ARHGEF39: variants seen among roughly 807,000 people sequenced by gnomAD.
ARHGEF39 encodes the protein Rho guanine nucleotide exchange factor 39, also known as Rho guanine nucleotide exchange factor (GEF) 39.
A neutral mutation model predicts 47.5 loss-of-function variants in ARHGEF39; 45 were observed. The observed-to-expected ratio is 0.95, with a 90% CI of 0.75 to 1.22. ARHGEF39 has a LOEUF of 1.22. ARHGEF39 is among the 50% of genes most tolerant of loss of function. The pLI, the probability that ARHGEF39 is intolerant of heterozygous loss-of-function variation, is 0.00. For synonymous variants in ARHGEF39, 164 were observed against 167.8 expected, an observed-to-expected ratio of 0.98 and a Z score of 0.17; for missense variants, 411 against 425.3, an observed-to-expected ratio of 0.97 and a Z score of 0.30.
Position 35,662,989 on chromosome 9 carries a change from G to C in ARHGEF39, c.630C>G (p.Val210=). ...KQKNDQHLRR[V]QALLSGRQAK... ...CCTGGCGTCCACTGAGCAGAGCCTG[G>C]ACACGCCGAAGGTGCTGGTCATTCT... Residue 210 remains valine, a synonymous_variant, in exon 6 of 9, where the codon GTC becomes GTG. Coordinates refer to ENST00000378387, the MANE Select transcript of ARHGEF39 (RefSeq NM_032818.3). 1 of 1,610,244 alleles carries C rather than the reference G, an allele frequency of 6.2e-7. No homozygotes were observed. Among genetic ancestry groups the C allele is most frequent in the Admixed American group, 1.7e-5 (1 of 59,956 alleles).
At position 35,661,483 on chromosome 9, in the gene ARHGEF39, A is replaced by G; in HGVS notation, c.*504T>C. 1 of 471,968 alleles carries G rather than the reference A, an allele frequency of 2.1e-6. No homozygotes were observed. The allele number at this position is 471,968 out of a possible 1,614,324, so 29.2% of individuals were successfully genotyped here. On this transcript the variant is annotated 3_prime_UTR_variant, in exon 9 of 9. Coordinates refer to ENST00000378387, the MANE Select transcript of ARHGEF39 (RefSeq NM_032818.3). ...TTTACTCAAATCCAGTGGAAAAATA[A>G]ATGATAGAAACTATACACAACATAA...
In ARHGEF39 at chr9:35,660,687, G is replaced by A. The variant is rs1352490955; in HGVS notation, c.*1300C>T. The A allele has an allele frequency of 1.2e-6, 2 of 1,613,852 alleles. No homozygotes were observed. On this transcript the variant is annotated 3_prime_UTR_variant, in exon 9 of 9. Transcript: ENST00000378387. ...GATTCTGTGAATTTTTGGGGAATTTGTGGCAGGAGGGAGGAATGGGGACAT... is the reference window on the plus strand; with the variant it reads ...GATTCTGTGAATTTTTGGGGAATTTATGGCAGGAGGGAGGAATGGGGACAT...
chr9:35,663,924 C>A (rs113114911), intron 4 of ARHGEF39, 84 bp downstream of exon 4: 1 of 1,396,396 alleles, frequency 7.2e-7, no homozygotes, highest in African/African-American at 1.4e-5. Flanking sequence ...AGTTTGGGAT[C>A]GACCCCAAGG....
At chr9:35,663,224 G>A (rs1252056346) in intron 5 of ARHGEF39, 98 bp downstream of exon 5, 2 of 1,552,692 alleles carry the variant, frequency 1.3e-6, no homozygotes, top group African/African-American at 1.4e-5. Flanking sequence ...CATGTCAGTG[G>A]AAGATAGGGT....
intron 4 of ARHGEF39, 100 bp from the exon 5 acceptor site, chr9:35,663,492 C>G: frequency 9.6e-7 from 1 of 1,042,930 alleles, no homozygotes. Flanking sequence ...CAATTGAAGG[C>G]CAGGAAAGAT....
chr9:35,662,399 C>T (rs1327202406), intron 7 of ARHGEF39, 113 bp downstream of exon 7: 31 of 1,382,036 alleles, frequency 2.2e-5, no homozygotes, highest in Non-Finnish European at 3.1e-5. Flanking sequence ...CAGCTATCCT[C>T]TCTCAATGTA....
rs761690775 is a variant in ARHGEF39 at position 35,664,071 on chromosome 9, C to T, written c.410G>A (p.Arg137His). Residue 137 changes from arginine to histidine, a missense_variant, in exon 4 of 9, where the codon CGC (arginine) becomes CAC (histidine). By Grantham distance (29) the Arg-to-His change is conservative. Transcript: ENST00000378387. ...FRRFVRLQEGRPEFGGLQLQD... is the reference protein window; with the variant it reads ...FRRFVRLQEGHPEFGGLQLQD... ...GAGCTGAAGGCCCCCAAACTCAGGG[C>T]GGCCTTCCTGAAGCCGTACAAACCT... is the stretch of plus-strand genomic sequence containing the variant. 4.3e-6 allele frequency: 7 copies of T among 1,613,960 alleles called. No homozygotes were observed. The highest frequency in any genetic ancestry group is 5.9e-6 in the Non-Finnish European group (7 of 1,179,972).
chr9:35,663,054 CACTTA>C lies in ARHGEF39; in HGVS notation c.560_564del (p.Ile187ArgfsTer16). 2 of 1,613,180 alleles carry C rather than the reference CACTTA, an allele frequency of 1.2e-6. No individual in the cohort carries two copies. Among genetic ancestry groups the C allele is most frequent in the Non-Finnish European group, 1.7e-6 (2 of 1,179,296 alleles). Reference sequence around the variant, plus strand: ...ATAGTATGGACTCTCTGGGCAGTCTCACTTATCAGTCGGGCAGCCCCTGGAATAAC... The same window carrying C: ...ATAGTATGGACTCTCTGGGCAGTCTCTCAGTCGGGCAGCCCCTGGAATAAC... On this transcript the variant is annotated frameshift_variant, in exon 6 of 9. Coordinates refer to ENST00000378387, the MANE Select transcript of ARHGEF39 (RefSeq NM_032818.3). LOFTEE classifies it high-confidence loss of function.
In ARHGEF39 at chr9:35,663,398, A is replaced by G; in HGVS notation, c.474-6T>C. ...CTACGACGAGATTCTCATACCTGGA[A>G]TTCAACAGTGGGAAGTCTGAGGGGA... On this transcript the variant is annotated splice_polypyrimidine_tract_variant and splice_region_variant and intron_variant, in intron 4 of 8. Transcript: ENST00000378387. 2 of 1,612,880 alleles carry G rather than the reference A, an allele frequency of 1.2e-6. No homozygotes were observed. The highest frequency in any genetic ancestry group is 2.7e-5 in the African/African-American group (2 of 75,004).
Position 35,665,116 on chromosome 9 carries a change from G to T in ARHGEF39, c.54C>A (p.Arg18=). Residue 18 remains arginine, a synonymous_variant, in exon 1 of 9, where the codon CGC becomes CGA. Transcript: ENST00000378387. ...CGGTGCAGGCGCGTTTCCGCTCCCAGCGGGCACGCTGCTCTTGCACCGGGC... is the reference window on the plus strand; with the variant it reads ...CGGTGCAGGCGCGTTTCCGCTCCCATCGGGCACGCTGCTCTTGCACCGGGC... The part of the protein sequence containing the change: ...SRCPVQEQRA[R]WERKRACTAR... 4 of 1,548,238 alleles carry T rather than the reference G, an allele frequency of 2.6e-6. No individual in the cohort carries two copies. The highest frequency in any genetic ancestry group is 3.5e-6 in the Non-Finnish European group (4 of 1,146,426).
rs1307811799 is a variant in ARHGEF39, at chr9:35,660,752, T to C, written c.*1235A>G. Reference sequence around the variant, plus strand: ...TGAGTGGACATTTCTTCAGTGTGACTACTCTGGCTGGAGCCCAGCAGGAGC... The same window carrying C: ...TGAGTGGACATTTCTTCAGTGTGACCACTCTGGCTGGAGCCCAGCAGGAGC... On this transcript the variant is annotated 3_prime_UTR_variant, in exon 9 of 9. Transcript: ENST00000378387. 6.2e-7 allele frequency: 1 copy of C among 1,613,800 alleles called. No homozygotes were observed. The highest frequency in any genetic ancestry group is 1.3e-5 in the African/African-American group (1 of 74,902).
At chr9:35,663,461 G>A in intron 4 of ARHGEF39, 69 bp from the exon 5 acceptor site, 2 of 1,328,582 alleles carry the variant, frequency 1.5e-6, no homozygotes, top group Non-Finnish European at 2.2e-6. Flanking sequence ...CTGATGTGCA[G>A]ATCACCCTCT....
Position 35,664,445 on chromosome 9 carries a change from TCCAGCCCTTGGCC to T in ARHGEF39, c.268_280del (p.Gly90ArgfsTer28). ...GAGCTCCAAGTGGCGGCAGAAGCCC[TCCAGCCCTTGGCC>T]CCAGCATCCTCCTTCCAGGTAGGGA... is the stretch of plus-strand genomic sequence containing the variant. On this transcript the variant is annotated frameshift_variant, in exon 3 of 9. Transcript: ENST00000378387. LOFTEE classifies it high-confidence loss of function. 1 of 1,609,814 alleles carries T rather than the reference TCCAGCCCTTGGCC, an allele frequency of 6.2e-7. No individual in the cohort carries two copies. Among genetic ancestry groups the T allele is most frequent in the South Asian group, 1.1e-5 (1 of 90,664 alleles).
In ARHGEF39 at chr9:35,664,367, G is replaced by C. The variant is rs1213487219; in HGVS notation, c.354+5C>G. On this transcript the variant is annotated splice_donor_5th_base_variant and intron_variant, in intron 3 of 8. Transcript: ENST00000378387. The stretch of plus-strand genomic sequence containing the variant: ...GGGCAAGATTTGAGGTCATCTCCAG[G>C]TTACCTGCAGGGTGGTCTGGGACCT... The C allele has an allele frequency of 6.3e-7, 1 of 1,597,662 alleles. No homozygotes were observed. Among genetic ancestry groups the C allele is most frequent in the Non-Finnish European group, 8.5e-7 (1 of 1,173,492 alleles).
In ARHGEF39 at chr9:35,665,157, A is replaced by G. The variant is rs747032696; in HGVS notation, c.13T>C (p.Cys5Arg). MELS[C>R]PGSRCPVQEQ... ...TGCACCGGGCACCGCGAACCGGGGCAGGAGAGCTCCATGCCCTGGCTGAGG... is the reference window on the plus strand; with the variant it reads ...TGCACCGGGCACCGCGAACCGGGGCGGGAGAGCTCCATGCCCTGGCTGAGG... Residue 5 changes from cysteine (C) to arginine (R), a missense_variant, in exon 1 of 9, where the codon TGC becomes CGC. By Grantham distance (180) the Cys-to-Arg change is radical. Transcript: ENST00000378387. 10 of 1,522,382 alleles carry G rather than the reference A, an allele frequency of 6.6e-6. No individual in the cohort carries two copies. In the South Asian group the frequency reaches 1.2e-4, roughly 19 times the overall value. The allele number at this position is 1,522,382 out of a possible 1,614,324, so 94.3% of individuals were successfully genotyped here. A position where few individuals can be genotyped will look rare whatever the true frequency, so the allele number is the denominator to read the frequency against.
At position 35,662,081 on chromosome 9, in the gene ARHGEF39, G is replaced by A. The variant is rs1362486751; in HGVS notation, c.993-79C>T. On this transcript the variant is annotated intron_variant, in intron 8 of 8. Coordinates refer to ENST00000378387, the MANE Select transcript of ARHGEF39 (RefSeq NM_032818.3). ...AAAATCATCTGGGGGTTGGTGGCTG[G>A]GGTGTGCCAGACCAATGTAGGGCAT... is the stretch of plus-strand genomic sequence containing the variant. The A allele has an allele frequency of 8.1e-6, 13 of 1,603,512 alleles. No homozygotes were observed. The South Asian group carries it at 1.4e-4, about 18-fold the overall frequency.
In ARHGEF39 at chr9:35,661,161, C is replaced by T; in HGVS notation, c.*826G>A. ...GGAAGGAGGGACGACAGCTGAAGGTCGACTAAAACAAAGTCTGTTTTCATG... is the reference window on the plus strand; with the variant it reads ...GGAAGGAGGGACGACAGCTGAAGGTTGACTAAAACAAAGTCTGTTTTCATG... On this transcript the variant is annotated 3_prime_UTR_variant, in exon 9 of 9. Transcript: ENST00000378387. 5 of 1,604,036 alleles carry T rather than the reference C, an allele frequency of 3.1e-6. No individual in the cohort carries two copies. The highest frequency in any genetic ancestry group is 1.7e-5 in the Admixed American group (1 of 59,016).
intron 5 of ARHGEF39, 40 bp from the exon 6 acceptor site, chr9:35,663,114 G>T (rs1294727975): frequency 6.2e-7 from 1 of 1,607,338 alleles, no homozygotes; most frequent in Non-Finnish European, 8.5e-7. Flanking sequence ...ATACAACTTT[G>T]ACTTTGGGTG....
Position 35,661,754 on chromosome 9 carries a change from TC to T in ARHGEF39, c.*232del, listed in dbSNP as rs1823962576. 3.9e-6 allele frequency: 2 copies of T among 507,914 alleles called. No homozygotes were observed. Among genetic ancestry groups the T allele is most frequent in the East Asian group, 3.0e-5 (1 of 33,252 alleles). The allele number at this position is 507,914 out of a possible 1,614,324, so 31.5% of individuals were successfully genotyped here. ...GTCTTGAACTCCTGGGCTGGAATGA[TC>T]CTGCCACCTCTGCTTCCCAAAGTGC... On this transcript the variant is annotated 3_prime_UTR_variant, in exon 9 of 9. Coordinates refer to ENST00000378387, the MANE Select transcript of ARHGEF39 (RefSeq NM_032818.3).
Sources: gnomAD v4.1 joint callset for allele counts on GRCh38, gnomAD v4.1.1 for gene constraint, MANE v1.5 for transcripts, NCBI Gene and HGNC (gene_info 2026-07-23, HGNC 2026-07-21) for gene names.